The following TRMT1L variants were observed in gnomAD, a reference collection of about 807,000 sequenced individuals.
The protein encoded by TRMT1L is tRNA (guanine(27)-N(2))-dimethyltransferase.
TRMT1L carries 28 observed loss-of-function variants against 81.6 expected under a neutral mutation model. The observed-to-expected ratio is 0.34, with a 90% CI of 0.25 to 0.47. The LOEUF (loss-of-function observed/expected upper bound fraction) is 0.47, where lower values mean the gene tolerates loss of function less well. Ranked by LOEUF, TRMT1L falls within the 20% of genes least tolerant of loss-of-function variation. The pLI, the probability that TRMT1L is intolerant of heterozygous loss-of-function variation, is 1.00. For synonymous variants in TRMT1L, 301 were observed against 303.2 expected, an observed-to-expected ratio of 0.99 and a Z score of 0.07; for missense variants, 739 against 877.1, an observed-to-expected ratio of 0.84 and a Z score of 1.99.
chr1:185,125,652 T>C (rs772243303), intron 11 of TRMT1L, among the ~76,000 whole-genome samples: 4 of 152,136 alleles, frequency 2.6e-5, no homozygotes, highest in Non-Finnish European at 5.9e-5. Flanking sequence ...AGTGTATACT[T>C]AAAAATGGTA....
At chr1:185,154,764 T>C (rs1653447917) in intron 1 of TRMT1L, among the ~76,000 whole-genome samples, 1 of 152,226 alleles carries the variant, frequency 6.6e-6, no homozygotes, top group Admixed American at 6.5e-5. Flanking sequence ...CCTATAAACA[T>C]CTCTGAAATC....
intron 10 of TRMT1L, among the ~76,000 whole-genome samples, chr1:185,137,180 C>T (rs1652921201): frequency 6.6e-6 from 1 of 152,204 alleles, no homozygotes; most frequent in African/African-American, 2.4e-5. Flanking sequence ...TGTTTCCCAT[C>T]CCCAGGCCTG....
intron 13 of TRMT1L, among the ~76,000 whole-genome samples, chr1:185,121,245 G>A (rs375818274): frequency 1.2e-4 from 18 of 152,140 alleles, no homozygotes; most frequent in African/African-American, 3.9e-4. Flanking sequence ...ATATATGAAC[G>A]TTATGGTCAA....
intron 6 of TRMT1L, 127 bp downstream of exon 6, chr1:185,143,779 G>T: frequency 1.2e-6 from 1 of 837,414 alleles, no homozygotes; most frequent in Non-Finnish European, 1.7e-6. Context: ...TGAGAAAAAT[G>T]TTAAAACAGA....
At chr1:185,155,378 G>C (rs1040200560) in intron 1 of TRMT1L, among the ~76,000 whole-genome samples, 6 of 152,130 alleles carry the variant, frequency 3.9e-5, no homozygotes, top group Non-Finnish European at 8.8e-5. Context: ...GAAACAACTG[G>C]CCTTATTTTG....
chr1:185,122,139 T>C (rs1652515476), intron 13 of TRMT1L, among the ~76,000 whole-genome samples: 1 of 152,210 alleles, frequency 6.6e-6, no homozygotes, highest in Non-Finnish European at 1.5e-5. Context: ...TATGGCTGCA[T>C]AGTATTCCTT....
intron 3 of TRMT1L, among the ~76,000 whole-genome samples, chr1:185,149,912 CTA>C (rs1245905059): frequency 1.3e-5 from 2 of 151,934 alleles, no homozygotes; most frequent in Non-Finnish European, 2.9e-5. Flanking sequence ...TAGAAAATGG[CTA>C]TGATTTCTGA....
At chr1:185,126,524 T>C (rs972924496) in intron 11 of TRMT1L, among the ~76,000 whole-genome samples, 1 of 152,164 alleles carries the variant, frequency 6.6e-6, no homozygotes, top group East Asian at 1.9e-4. Context: ...TTAGCAAATA[T>C]ATATGAAAGA....
rs147015826 is a variant in TRMT1L at position 185,139,450 on chromosome 1, G to A, written c.1239C>T (p.Ala413=). 3.7e-6 allele frequency: 6 copies of A among 1,613,962 alleles called. No individual in the cohort carries two copies. The highest frequency in any genetic ancestry group is 1.3e-5 in the African/African-American group (1 of 74,888). The change falls in exon 9 of 15, where the codon GCC becomes GCT. Residue 413 remains alanine, a synonymous_variant. Transcript: ENST00000367506. ...SSLYAKAQHV[A]RRHYGCNIVR... The stretch of plus-strand genomic sequence containing the variant: ...CAATGTTACATCCGTAGTGACGCCG[G>A]GCAACATGCTGTGCCTTGGCATATA...
At chr1:185,147,335 G>T in intron 3 of TRMT1L, 89 bp from the exon 4 acceptor site, 1 of 922,060 alleles carries the variant, frequency 1.1e-6, no homozygotes, top group African/African-American at 1.7e-5. Context: ...TATAAGAATT[G>T]GTATTACCCT....
intron 7 of TRMT1L, 51 bp downstream of exon 7, chr1:185,143,306 C>A: frequency 6.8e-7 from 1 of 1,475,408 alleles, no homozygotes; most frequent in South Asian, 1.2e-5. Flanking sequence ...AGAAAAAATA[C>A]TGTAAAATTG....
intron 12 of TRMT1L, among the ~76,000 whole-genome samples, chr1:185,124,504 C>T (rs1652574109): frequency 1.3e-5 from 2 of 151,804 alleles, no homozygotes; most frequent in Non-Finnish European, 2.9e-5. Flanking sequence ...TTGAAATCCG[C>T]CTGGACAATA....
At position 185,144,015 on chromosome 1, in the gene TRMT1L, G is replaced by T. The variant is rs1274983753; in HGVS notation, c.670C>A (p.Pro224Thr). 2.5e-6 allele frequency: 4 copies of T among 1,602,826 alleles called. No individual in the cohort carries two copies. The highest frequency in any genetic ancestry group is 2.6e-6 in the Non-Finnish European group (3 of 1,174,186). ...GCCTCTTTCAAAATTTCCTTAGGTG[G>T]TTTAGCAGTGGAAGCTAAGATGGAA... ...SSYIAASTAKPPKEILKEADT... is the reference protein window; with the variant it reads ...SSYIAASTAKTPKEILKEADT... Residue 224 changes from proline to threonine, a missense_variant, in exon 6 of 15, where the codon CCA becomes ACA. Around this residue, in one of 4 missense-constraint regions of TRMT1L, gnomAD observed 331 missense variants for 462.2 expected, o/e 0.72. Coordinates refer to ENST00000367506, the MANE Select transcript of TRMT1L (RefSeq NM_030934.5).
Position 185,156,897 on chromosome 1 carries a change from A to C in TRMT1L, c.-185T>G. 1.1e-5 allele frequency: 9 copies of C among 818,194 alleles called. No individual in the cohort carries two copies. In the South Asian group the frequency reaches 1.8e-4, roughly 16 times the overall value. 50.7% of individuals were successfully genotyped at this position (818,194 alleles called of 1,614,324 possible). On this transcript the variant is annotated 5_prime_UTR_variant, in exon 1 of 15. Transcript: ENST00000367506. The stretch of plus-strand genomic sequence containing the variant: ...ACCAAATCCTGTTAGTAGAAAACAG[A>C]AAGCCAGAGGCAGCGATTCCAGATG...
At chr1:185,127,790 C>T (rs1039913223) in intron 11 of TRMT1L, among the ~76,000 whole-genome samples, 1 of 145,628 alleles carries the variant, frequency 6.9e-6, no homozygotes, top group Non-Finnish European at 1.5e-5. Context: ...AAAAGAATCT[C>T]TAGTAACAAA....
Position 185,128,745 on chromosome 1 carries a change from T to A in TRMT1L, c.1516A>T (p.Asn506Tyr). The A allele has an allele frequency of 2.5e-6, 4 of 1,599,888 alleles. No individual in the cohort carries two copies. Among genetic ancestry groups the A allele is most frequent in the Non-Finnish European group, 3.4e-6 (4 of 1,176,500 alleles). ...FQKDGNMVEE[N>Y]PYRQLPCNCH... The stretch of plus-strand genomic sequence containing the variant: ...TTACAAGGCAGCTGTCTATATGGGT[T>A]TTCTGTAAAAAGATAATAAAAGGAG... Residue 506 changes from asparagine (N) to tyrosine (Y), a missense_variant and splice_region_variant, in exon 11 of 15, where the codon AAC becomes TAC. Asn to Tyr is a moderately radical substitution (Grantham distance 143). Transcript: ENST00000367506.
At chr1:185,153,143 T>A (rs1653407466) in intron 1 of TRMT1L, among the ~76,000 whole-genome samples, 1 of 152,212 alleles carries the variant, frequency 6.6e-6, no homozygotes, top group Non-Finnish European at 1.5e-5. Flanking sequence ...TTCTCAATCA[T>A]TACATATTTG....
At chr1:185,139,892 C>T (rs752279322) in intron 8 of TRMT1L, 81 bp downstream of exon 8, 9 of 1,445,514 alleles carry the variant, frequency 6.2e-6, no homozygotes, top group Admixed American at 2.3e-5. Context: ...CAACAAAAAA[C>T]TGTCTTAATT....
At chr1:185,126,388 G>C (rs1329007821) in intron 11 of TRMT1L, among the ~76,000 whole-genome samples, 1 of 152,050 alleles carries the variant, frequency 6.6e-6, no homozygotes, top group Admixed American at 6.6e-5. Flanking sequence ...TCTGCCTCCC[G>C]GGTTCACGAC....
Sources: allele counts gnomAD v4.1 joint callset (sites outside exome capture counted in the v4.1 genomes callset), GRCh38; gene constraint gnomAD v4.1.1; regional missense constraint gnomAD v4.1.1; transcripts MANE v1.5; gene names NCBI Gene and HGNC (gene_info 2026-07-23, HGNC 2026-07-21).